RSRP1: variants seen among roughly 807,000 people sequenced by gnomAD.
The protein encoded by RSRP1 is arginine/serine-rich protein 1.
A neutral mutation model predicts 33.0 loss-of-function variants in RSRP1; 37 were observed. That is an observed-to-expected ratio of 1.12 (90% confidence interval 0.86 to 1.48). The LOEUF is 1.48. RSRP1 is among the 40% of genes most tolerant of loss of function. RSRP1 has a pLI of 0.00. For missense variants in RSRP1, 402 were observed against 385.3 expected, an observed-to-expected ratio of 1.04 and a Z score of -0.36; for synonymous variants, 167 against 158.7, an observed-to-expected ratio of 1.05 and a Z score of -0.40.
intron 1 of RSRP1, among the ~76,000 whole-genome samples, chr1:25,255,897 G>A (rs2124557008): frequency 6.6e-6 from 1 of 152,262 alleles, no homozygotes; most frequent in African/African-American, 2.4e-5. Flanking sequence ...GATAGGGAGT[G>A]GCTGTGAATA....
Position 25,329,045 on chromosome 1 carries a change from C to T in RSRP1, c.-67+8933G>A, listed in dbSNP as rs775995875. 13 of 1,374,096 alleles carry T rather than the reference C, an allele frequency of 9.5e-6. 4 individuals are homozygous for T. The highest frequency in any genetic ancestry group is 1.3e-5 in the Non-Finnish European group (13 of 975,646). 85.1% of individuals were successfully genotyped at this position (1,374,096 alleles called of 1,614,324 possible). On this transcript the variant is annotated intron_variant, in intron 1 of 1. Transcript: ENST00000561867. ...AAAGTCTCCAATGTTCGCGCAGGCACTGGAGTCAGAGAAAATGGAGTTGAA... is the reference window on the plus strand; with the variant it reads ...AAAGTCTCCAATGTTCGCGCAGGCATTGGAGTCAGAGAAAATGGAGTTGAA...
Position 25,308,598 on chromosome 1 carries a change from G to A in RSRP1, c.-67+29380C>T, listed in dbSNP as rs2518079. On this transcript the variant is annotated intron_variant, in intron 1 of 1. Transcript: ENST00000561867. ...CTTCCCGCATGACTGAGTTCAAGCTGTCAAGGAGACATCACTATACATGGA... is the reference window on the plus strand; with the variant it reads ...CTTCCCGCATGACTGAGTTCAAGCTATCAAGGAGACATCACTATACATGGA... Among the ~76,000 whole-genome samples the A allele has an allele frequency of 2.9e-3, 384 of 132,166 alleles. 53 individuals carry two copies. The highest frequency in any genetic ancestry group is 7.6e-3 in the African/African-American group (292 of 38,398). The allele number at this position is 132,166 out of a possible 152,430, so 86.7% of individuals were successfully genotyped here. A position where few individuals can be genotyped will look rare whatever the true frequency, so the allele number is the denominator to read the frequency against.
rs1180537605 is a variant in RSRP1 at position 25,282,785 on chromosome 1, C to A, written c.-66-35756G>T. Among the ~76,000 whole-genome samples, 22 of 130,060 alleles carry A rather than the reference C, an allele frequency of 1.7e-4. 2 individuals are homozygous for A. Among genetic ancestry groups the A allele is most frequent in the Admixed American group, 3.7e-4 (5 of 13,344 alleles). The allele number at this position is 130,060 out of a possible 152,430, so 85.3% of individuals were successfully genotyped here. A position where few individuals can be genotyped will look rare whatever the true frequency, so the allele number is the denominator to read the frequency against. On this transcript the variant is annotated intron_variant, in intron 1 of 1. Coordinates refer to the RSRP1 transcript ENST00000561867. ...CGCGCGCCTGTGGTTCCCACTGAAGCACAGGAGGCTGAAGCACAAGAATCA... is the reference window on the plus strand; with the variant it reads ...CGCGCGCCTGTGGTTCCCACTGAAGAACAGGAGGCTGAAGCACAAGAATCA...
In RSRP1 at chr1:25,290,762, C is replaced by T; in HGVS notation, c.-66-43733G>A. The T allele has an allele frequency of 2.9e-6, 4 of 1,377,084 alleles. 1 individual carries two copies. The highest frequency in any genetic ancestry group is 2.2e-5 in the East Asian group (1 of 44,624). 85.3% of individuals were successfully genotyped at this position (1,377,084 alleles called of 1,614,324 possible). On this transcript the variant is annotated intron_variant, in intron 1 of 1. Transcript: ENST00000561867. ...GGTGGAGGTGACAGCTTTAGGCAAC[C>T]TGAGGATGGTCATCAGTAATATCTT...
Position 25,333,548 on chromosome 1 carries a change from C to T in RSRP1, c.-67+4430G>A, listed in dbSNP as rs1405480822. ...CAGAGAAGGGTGGGCCAGGGAGAGACGGATAAGTGATCTAACTCCTGAGGA... is the reference window on the plus strand; with the variant it reads ...CAGAGAAGGGTGGGCCAGGGAGAGATGGATAAGTGATCTAACTCCTGAGGA... On this transcript the variant is annotated intron_variant, in intron 1 of 1. Coordinates refer to the RSRP1 transcript ENST00000561867. 7.7e-5 allele frequency among the ~76,000 whole-genome samples: 10 copies of T among 129,174 alleles called. 1 individual carries two copies. In the East Asian group the frequency reaches 1.2e-3, roughly 15 times the overall value. The allele number at this position is 129,174 out of a possible 152,430, so 84.7% of individuals were successfully genotyped here. A position where few individuals can be genotyped will look rare whatever the true frequency, so the allele number is the denominator to read the frequency against.
At position 25,287,867 on chromosome 1, in the gene RSRP1, C is replaced by A. The variant is rs532040548; in HGVS notation, c.-66-40838G>T. Among the ~76,000 whole-genome samples, 8 of 115,946 alleles carry A rather than the reference C, an allele frequency of 6.9e-5. No individual in the cohort carries two copies. In the East Asian group the frequency reaches 1.6e-3, roughly 23 times the overall value. The allele number at this position is 115,946 out of a possible 152,430, so 76.1% of individuals were successfully genotyped here. A position where few individuals can be genotyped will look rare whatever the true frequency, so the allele number is the denominator to read the frequency against. ...CTCCTGAGTTAAATTTTTTTACAGG[C>A]GCCTGCTACCATGCCCTGCTAATTT... On this transcript the variant is annotated intron_variant, in intron 1 of 1. Coordinates refer to the RSRP1 transcript ENST00000561867.
Position 25,245,027 on chromosome 1 carries a change from G to C in RSRP1, c.672+123C>G, listed in dbSNP as rs1327614263. ...TGCCTATCTTCAGATTTGCTACTTT[G>C]AATTTAGCACATTATATACATCTCT... On this transcript the variant is annotated intron_variant, in intron 3 of 4. Transcript: ENST00000243189. The C allele has an allele frequency of 1.9e-6, 3 of 1,580,094 alleles. No homozygotes were observed. In the East Asian group the frequency reaches 6.8e-5, roughly 36 times the overall value.
Position 25,246,543 on chromosome 1 carries a change from C to T in RSRP1, c.421G>A (p.Gly141Ser). The change falls in exon 2 of 5, where the codon GGC becomes AGC. Residue 141 changes from glycine (G) to serine (S), a missense_variant. Gly to Ser is a moderately conservative substitution (Grantham distance 56). Transcript: ENST00000243189. Reference protein sequence around the residue: ...YAIARGQRYYGFGRTVYPEEH... With the variant: ...YAIARGQRYYSFGRTVYPEEH... ...TCCGGGTACACTGTGCGACCAAAGCCGTAGTAGCGCTGTCCCCGCGCGATC... is the reference window on the plus strand; with the variant it reads ...TCCGGGTACACTGTGCGACCAAAGCTGTAGTAGCGCTGTCCCCGCGCGATC... 1.2e-6 allele frequency: 2 copies of T among 1,614,264 alleles called. No individual in the cohort carries two copies. The highest frequency in any genetic ancestry group is 1.7e-6 in the Non-Finnish European group (2 of 1,180,054).
intron 1 of RSRP1, among the ~76,000 whole-genome samples, chr1:25,295,850 ATTTTTTTTTT>A (rs61131306): frequency 1.2e-5 from 1 of 81,320 alleles, no homozygotes; most frequent in African/African-American, 4.3e-5. Flanking sequence ...AATATGGGAA[ATTTTTTTTTT>A]TTTTTTTTTT....
At chr1:25,257,857 C>T (rs759341946) in intron 1 of RSRP1, among the ~76,000 whole-genome samples, 1 of 152,084 alleles carries the variant, frequency 6.6e-6, no homozygotes, top group Non-Finnish European at 1.5e-5. Flanking sequence ...GTGATCTGCC[C>T]ACCTCAGTCT....
At chr1:25,249,072 C>G (rs1639684201), upstream of RSRP1, among the ~76,000 whole-genome samples, 1 of 152,146 alleles carries the variant, frequency 6.6e-6, no homozygotes, top group South Asian at 2.1e-4. Context: ...TTGCTTGAAC[C>G]TGAGAGGCGG....
chr1:25,284,853 T>C, intron 1 of RSRP1: 2 of 1,191,868 alleles, frequency 1.7e-6, no homozygotes, highest in Non-Finnish European at 1.2e-6. Context: ...GCCCCCTCTC[T>C]GTCTAGCACC....
At position 25,277,878 on chromosome 1, in the gene RSRP1, T is replaced by C. The variant is rs541173091; in HGVS notation, c.-66-30849A>G. ...TAGTAGAGATGGGGTTTCTCCATGT[T>C]GGTGAGGCTGGTCTCGAACTCCCAA... On this transcript the variant is annotated intron_variant, in intron 1 of 1. Transcript: ENST00000561867. 3.0e-5 allele frequency among the ~76,000 whole-genome samples: 4 copies of C among 132,386 alleles called. 1 individual carries two copies. Among genetic ancestry groups the C allele is most frequent in the African/African-American group, 1.0e-4 (4 of 38,946 alleles). The allele number at this position is 132,386 out of a possible 152,430, so 86.9% of individuals were successfully genotyped here. A position where few individuals can be genotyped will look rare whatever the true frequency, so the allele number is the denominator to read the frequency against.
At chr1:25,270,410 G>T (rs1477985062) in intron 1 of RSRP1, among the ~76,000 whole-genome samples, 10 of 131,074 alleles carry the variant, frequency 7.6e-5, no homozygotes, top group African/African-American at 2.6e-4. Context: ...CCTCCTGTCA[G>T]ATCAGCAGCG....
At chr1:25,254,490 C>A (rs1276513484) in intron 1 of RSRP1, among the ~76,000 whole-genome samples, 2 of 152,088 alleles carry the variant, frequency 1.3e-5, no homozygotes, top group Non-Finnish European at 1.5e-5. Flanking sequence ...GGCTGGAGTG[C>A]GGTGGTGTGG....
chr1:25,255,199 G>A (rs546374857), intron 1 of RSRP1, among the ~76,000 whole-genome samples: 3 of 152,190 alleles, frequency 2.0e-5, no homozygotes, highest in African/African-American at 4.8e-5. Context: ...ACAGAAAAAC[G>A]AGAAATACTA....
intron 1 of RSRP1, among the ~76,000 whole-genome samples, chr1:25,318,871 C>G (rs1245811190): frequency 7.6e-6 from 1 of 132,122 alleles, no homozygotes; most frequent in African/African-American, 2.6e-5. Flanking sequence ...TTTGGAGTTA[C>G]CTGGGTAATT....
chr1:25,305,139 C>T lies in RSRP1; in HGVS notation c.-67+32839G>A, dbSNP rs376654007. On this transcript the variant is annotated intron_variant, in intron 1 of 1. Coordinates refer to the RSRP1 transcript ENST00000561867. ...GAAATGCTTCCTGGAGCAGAGGAAA[C>T]GGTTGACAGCCAAGTGTTGACAGAG... Among the ~76,000 whole-genome samples, 11 of 131,596 alleles carry T rather than the reference C, an allele frequency of 8.4e-5. 1 individual carries two copies. Among genetic ancestry groups the T allele is most frequent in the African/African-American group, 2.1e-4 (8 of 38,150 alleles). The allele number at this position is 131,596 out of a possible 152,430, so 86.3% of individuals were successfully genotyped here.
At chr1:25,300,723 C>T (rs1278241496) in intron 1 of RSRP1, among the ~76,000 whole-genome samples, 3 of 131,506 alleles carry the variant, frequency 2.3e-5, no homozygotes, top group African/African-American at 7.9e-5. Context: ...GCAGGAGAAT[C>T]GCGTGAACCT....
Sources: gnomAD v4.1 joint callset for allele counts (sites outside exome capture counted in the v4.1 genomes callset) on GRCh38, gnomAD v4.1.1 for gene constraint, MANE v1.5 for transcripts, NCBI Gene and HGNC (gene_info 2026-07-23, HGNC 2026-07-21) for gene names.